PTPRN2: variants seen among roughly 807,000 people sequenced by gnomAD.
PTPRN2 encodes the protein receptor-type tyrosine-protein phosphatase N2.
Under a neutral mutation model 118.8 loss-of-function variants are expected in PTPRN2, and 74 were observed. The observed-to-expected ratio is 0.62, with a 90% CI of 0.52 to 0.76. PTPRN2 has a LOEUF of 0.76. Among genes scored for constraint, PTPRN2 ranks in the 30% least tolerant of loss-of-function variants. PTPRN2 has a pLI of 0.00. For synonymous variants in PTPRN2, 641 were observed against 608.0 expected, an observed-to-expected ratio of 1.05 and a Z score of -0.80; for missense variants, 1,481 against 1,394.4, an observed-to-expected ratio of 1.06 and a Z score of -0.99.
At chr7:158,013,235 C>A (rs1255208540) in intron 11 of PTPRN2, among the ~76,000 whole-genome samples, 1 of 152,224 alleles carries the variant, frequency 6.6e-6, no homozygotes, top group African/African-American at 2.4e-5. Flanking sequence ...AGAATCATGG[C>A]CCTGTGCCTT....
chr7:157,637,574 C>A (rs1804396357), intron 14 of PTPRN2, among the ~76,000 whole-genome samples: 1 of 152,198 alleles, frequency 6.6e-6, no homozygotes, highest in African/African-American at 2.4e-5. Context: ...GCACCCACCT[C>A]TCCCCACCCT....
intron 12 of PTPRN2, among the ~76,000 whole-genome samples, chr7:157,740,864 G>C (rs774344438): frequency 6.6e-6 from 1 of 152,092 alleles, no homozygotes; most frequent in Non-Finnish European, 1.5e-5. Context: ...AATTAGAGCC[G>C]CTCTCTCTCC....
chr7:158,567,066 A>G (rs1482935941), intron 1 of PTPRN2, among the ~76,000 whole-genome samples: 2 of 152,252 alleles, frequency 1.3e-5, no homozygotes, highest in African/African-American at 4.8e-5. Context: ...CAAAGGAGAA[A>G]GGATTTTTCA....
At chr7:157,730,914 G>C (rs575231213) in intron 12 of PTPRN2, among the ~76,000 whole-genome samples, 5 of 152,128 alleles carry the variant, frequency 3.3e-5, no homozygotes, top group South Asian at 2.1e-4. Context: ...CATGGGGACT[G>C]CACTAGGACT....
chr7:158,296,986 G>A (rs977713120), intron 3 of PTPRN2, among the ~76,000 whole-genome samples: 5 of 152,190 alleles, frequency 3.3e-5, no homozygotes, highest in Non-Finnish European at 7.3e-5. Context: ...TGGGGCAGGA[G>A]AGACCAGCAG....
intron 11 of PTPRN2, among the ~76,000 whole-genome samples, chr7:157,936,950 A>T (rs1799745276): frequency 6.6e-6 from 1 of 152,224 alleles, no homozygotes; most frequent in Admixed American, 6.5e-5. Flanking sequence ...TCTCATCTGT[A>T]AAAAGTATTC....
At chr7:158,361,422 C>A (rs1808948634) in intron 2 of PTPRN2, among the ~76,000 whole-genome samples, 1 of 152,230 alleles carries the variant, frequency 6.6e-6, no homozygotes, top group African/African-American at 2.4e-5. Context: ...ACTCTTCATC[C>A]ATCCTTGCCC....
intron 5 of PTPRN2, among the ~76,000 whole-genome samples, chr7:158,173,441 A>G (rs541020920): frequency 2.6e-5 from 4 of 152,274 alleles, no homozygotes; most frequent in African/African-American, 9.6e-5. Context: ...TCAAAAGGGG[A>G]GGGGTGTACA....
At chr7:158,289,714 C>T (rs777834125) in intron 3 of PTPRN2, among the ~76,000 whole-genome samples, 2 of 152,038 alleles carry the variant, frequency 1.3e-5, no homozygotes, top group African/African-American at 2.4e-5. Flanking sequence ...GTTGTGTCTC[C>T]TTGGTTTTTC....
intron 3 of PTPRN2, among the ~76,000 whole-genome samples, chr7:158,237,644 C>T (rs1169503496): frequency 2.9e-5 from 1 of 34,288 alleles, no homozygotes. Context: ...GCTGGTTCCC[C>T]GGGTCCCCTT....
At chr7:158,086,053 T>A (rs1275072902) in intron 10 of PTPRN2, among the ~76,000 whole-genome samples, 1 of 152,176 alleles carries the variant, frequency 6.6e-6, no homozygotes, top group Non-Finnish European at 1.5e-5. Context: ...TTCCTTCCCA[T>A]TCCTGCTTTG....
In PTPRN2 at chr7:157,619,163, G is replaced by C. The variant is rs1439267679; in HGVS notation, c.2344+2199C>G. Among the ~76,000 whole-genome samples the C allele has an allele frequency of 6.6e-6, 1 of 152,102 alleles. No homozygotes were observed. The highest frequency in any genetic ancestry group is 2.4e-5 in the African/African-American group (1 of 41,390). ...ACACTGTACAGACAGAGCCCAGAAG[G>C]CTGCAGGGCACACGGGAGGAAAACC... On this transcript the variant is annotated intron_variant, in intron 15 of 22. Coordinates refer to ENST00000389418, the MANE Select transcript of PTPRN2 (RefSeq NM_002847.5). The surrounding 1 kb of genome is among the most constrained non-coding windows in gnomAD (Gnocchi z 5.3).
At position 158,312,714 on chromosome 7, in the gene PTPRN2, CATAT is replaced by C. The variant is rs543356019; in HGVS notation, c.277+4101_277+4104del. On this transcript the variant is annotated intron_variant, in intron 3 of 22. Coordinates refer to ENST00000389418, the MANE Select transcript of PTPRN2 (RefSeq NM_002847.5). The stretch of plus-strand genomic sequence containing the variant: ...ACCTGCACACTCATTCACGTGCTCA[CATAT>C]AGATACCCACACACACACACCTGCA... Among the ~76,000 whole-genome samples, 318 of 59,092 alleles carry C rather than the reference CATAT, an allele frequency of 5.4e-3. 3 individuals carry two copies. Among genetic ancestry groups the C allele is most frequent in the African/African-American group, 0.015 (290 of 19,642 alleles). The allele number at this position is 59,092 out of a possible 152,430, so 38.8% of individuals were successfully genotyped here.
intron 2 of PTPRN2, among the ~76,000 whole-genome samples, chr7:158,361,955 C>T (rs1809017493): frequency 6.6e-6 from 1 of 152,188 alleles, no homozygotes; most frequent in East Asian, 1.9e-4. Context: ...CTCATCCCCG[C>T]TTCTCTCCTC....
At chr7:158,418,141 G>A (rs532660643) in intron 2 of PTPRN2, among the ~76,000 whole-genome samples, 139 of 141,420 alleles carry the variant, frequency 9.8e-4, no homozygotes, top group South Asian at 2.8e-3. Flanking sequence ...TCCATGTCCC[G>A]CTGTGTTAAG....
chr7:158,183,636 T>C (rs147586355), intron 5 of PTPRN2, among the ~76,000 whole-genome samples: 120 of 152,314 alleles, frequency 7.9e-4, no homozygotes, highest in African/African-American at 2.7e-3. Flanking sequence ...TACTTTATAT[T>C]CTCCACTGCT....
intron 3 of PTPRN2, among the ~76,000 whole-genome samples, chr7:158,206,252 T>G (rs967038253): frequency 1.3e-5 from 2 of 152,132 alleles, no homozygotes; most frequent in African/African-American, 2.4e-5. Flanking sequence ...CCAAGTAGGA[T>G]AGGGCACTGG....
intron 10 of PTPRN2, among the ~76,000 whole-genome samples, chr7:158,095,706 T>C (rs10271765): frequency 0.97 from 147,183 of 152,308 alleles, 71,172 homozygotes; most frequent in Admixed American, 0.98. Flanking sequence ...CAATACAGAC[T>C]GAGGCCCTGC....
chr7:157,579,304 A>C (rs1451474744), intron 17 of PTPRN2, among the ~76,000 whole-genome samples: 1 of 152,234 alleles, frequency 6.6e-6, no homozygotes, highest in African/African-American at 2.4e-5. Flanking sequence ...CAAATAAATA[A>C]GAATTATGCT....
Sources: gnomAD v4.1 joint callset for allele counts (sites outside exome capture counted in the v4.1 genomes callset) on GRCh38, gnomAD v4.1.1 for gene constraint, Gnocchi (gnomAD v3.1) non-coding constraint, MANE v1.5 for transcripts, NCBI Gene and HGNC (gene_info 2026-07-23, HGNC 2026-07-21) for gene names.